The following UBAP2 variants were observed in gnomAD, a reference collection of about 807,000 sequenced individuals.
UBAP2 encodes the protein ubiquitin associated protein 2.
In UBAP2, 75 loss-of-function variants were observed where a neutral mutation model predicts 139.6. The ratio of observed to expected loss-of-function variants is 0.54; its 90% CI spans 0.45 to 0.65. The LOEUF (loss-of-function observed/expected upper bound fraction) is 0.65, where lower values mean the gene tolerates loss of function less well. Ranked by LOEUF, UBAP2 falls within the 30% of genes least tolerant of loss-of-function variation. The pLI is 0.00. For synonymous variants in UBAP2, 526 were observed against 526.2 expected, an observed-to-expected ratio of 1.00 and a Z score of 0.01; for missense variants, 1,368 against 1,369.6, an observed-to-expected ratio of 1.00 and a Z score of 0.02.
chr9:33,922,897 A>G lies in UBAP2; in HGVS notation c.3073-19T>C. On this transcript the variant is annotated intron_variant, in intron 27 of 28. Transcript: ENST00000379238. ...CAAAAGTCTACAGGGCAAAGAAGACAATGGTGAAGGTCAGGTTGGGCTGTA... is the reference window on the plus strand; with the variant it reads ...CAAAAGTCTACAGGGCAAAGAAGACGATGGTGAAGGTCAGGTTGGGCTGTA... 6.2e-7 allele frequency: 1 copy of G among 1,611,576 alleles called. No individual in the cohort carries two copies. The highest frequency in any genetic ancestry group is 8.5e-7 in the Non-Finnish European group (1 of 1,178,342).
chr9:33,989,200 T>C (rs1228483860), intron 4 of UBAP2, 74 bp from the exon 5 acceptor site: 1 of 1,381,474 alleles, frequency 7.2e-7, no homozygotes, highest in Non-Finnish European at 9.4e-7. Flanking sequence ...TGCATGTATC[T>C]TTCTTTTTTT....
chr9:33,981,813 AG>A (rs1413035251), intron 6 of UBAP2, among the ~76,000 whole-genome samples: 1 of 96,104 alleles, frequency 1.0e-5, no homozygotes, highest in African/African-American at 4.1e-5. Flanking sequence ...GAAGGGTGGA[AG>A]GGGGGAAGCG....
intron 25 of UBAP2, 40 bp downstream of exon 25, chr9:33,923,339 G>C: frequency 1.2e-6 from 2 of 1,613,984 alleles, no homozygotes; most frequent in Non-Finnish European, 1.7e-6. Flanking sequence ...AGGCAAGCCT[G>C]TCTAACCCCA....
chr9:34,048,016 G>A (rs980236748), intron 1 of UBAP2, among the ~76,000 whole-genome samples: 2 of 152,140 alleles, frequency 1.3e-5, no homozygotes, highest in Non-Finnish European at 1.5e-5. Flanking sequence ...CCCCTAAAGC[G>A]AGCAAGCATT....
At chr9:33,925,993 C>T (rs1024138638) in intron 22 of UBAP2, among the ~76,000 whole-genome samples, 2 of 152,200 alleles carry the variant, frequency 1.3e-5, no homozygotes, top group African/African-American at 4.8e-5. Context: ...GTGGCTATCC[C>T]AGGAAAGGCC....
chr9:34,024,018 C>A (rs10971859), intron 1 of UBAP2, among the ~76,000 whole-genome samples: 3 of 144,676 alleles, frequency 2.1e-5, no homozygotes, highest in African/African-American at 7.7e-5. Context: ...CACTCCAGTC[C>A]GGGTGACAGA....
intron 7 of UBAP2, 47 bp from the exon 8 acceptor site, chr9:33,971,801 C>G (rs377364893): frequency 9.5e-6 from 11 of 1,153,880 alleles, no homozygotes; most frequent in African/African-American, 1.5e-5. Context: ...AAGCAAACAC[C>G]TAAGCCAAAA....
At chr9:34,013,633 C>T (rs4515633) in intron 2 of UBAP2, among the ~76,000 whole-genome samples, 91,381 of 151,866 alleles carry the variant, frequency 0.6, 27,873 homozygotes, top group East Asian at 0.81. Flanking sequence ...TCCCAGCACT[C>T]TGGGAGGCCA....
chr9:33,962,084 G>C (rs912156500), intron 9 of UBAP2, among the ~76,000 whole-genome samples: 1 of 152,126 alleles, frequency 6.6e-6, no homozygotes, highest in African/African-American at 2.4e-5. Flanking sequence ...AGCCAGAATT[G>C]TAAGAGAAAG....
Position 34,045,423 on chromosome 9 carries a change from G to GTT in UBAP2, c.-42+3401_-42+3402insAA, listed in dbSNP as rs1386225573. 2.0e-5 allele frequency among the ~76,000 whole-genome samples: 3 copies of GTT among 151,040 alleles called. No homozygotes were observed. In the East Asian group the frequency reaches 5.8e-4, roughly 29 times the overall value. ...ACGGAGTCTTGCTCCATCCAGGCTGGATGAAGTCCAATGGCACATGGCTCA... is the reference window on the plus strand; with the variant it reads ...ACGGAGTCTTGCTCCATCCAGGCTGGTTATGAAGTCCAATGGCACATGGCTCA... On this transcript the variant is annotated intron_variant, in intron 1 of 28. Coordinates refer to ENST00000379238, the MANE Select transcript of UBAP2 (RefSeq NM_001370062.2).
chr9:33,960,132 T>A (rs1484800937), intron 10 of UBAP2, among the ~76,000 whole-genome samples: 1 of 150,886 alleles, frequency 6.6e-6, no homozygotes, highest in East Asian at 1.9e-4. Flanking sequence ...GAGACAGGGG[T>A]CTCACTTTGT....
intron 6 of UBAP2, among the ~76,000 whole-genome samples, chr9:33,974,950 C>CG (rs1310294055): frequency 1.1e-4 from 8 of 70,672 alleles, no homozygotes; most frequent in South Asian, 6.6e-4. Flanking sequence ...GGGGGGGGTG[C>CG]GGGGGGGCGG....
At chr9:34,048,367 G>A (rs1189649609) in intron 1 of UBAP2, among the ~76,000 whole-genome samples, 1 of 149,646 alleles carries the variant, frequency 6.7e-6, no homozygotes, top group Non-Finnish European at 1.5e-5. Context: ...GGAAAGGTTA[G>A]AGAGCGCATA....
At chr9:34,023,514 T>C (rs959137042) in intron 1 of UBAP2, among the ~76,000 whole-genome samples, 1 of 152,194 alleles carries the variant, frequency 6.6e-6, no homozygotes, top group Admixed American at 6.5e-5. Context: ...ATGTTCACAG[T>C]ATCAACATTA....
At chr9:34,030,705 T>C (rs528196220) in intron 1 of UBAP2, among the ~76,000 whole-genome samples, 1 of 151,986 alleles carries the variant, frequency 6.6e-6, no homozygotes, top group Non-Finnish European at 1.5e-5. Flanking sequence ...GGCGCATGGA[T>C]CACAAGGTCA....
In UBAP2 at chr9:33,922,797, C is replaced by G; in HGVS notation, c.3154G>C (p.Ala1052Pro). The G allele has an allele frequency of 6.4e-7, 1 of 1,563,474 alleles. No homozygotes were observed. Among genetic ancestry groups the G allele is most frequent in the Non-Finnish European group, 8.7e-7 (1 of 1,154,476 alleles). ...PSVLGSTGPL[A>P]SGAAPGYAPP... ...GCATAGCCAGGGGCCGCTCCCGAGG[C>G]CAGGGGCCCAGTGGAGCCCAAGACC... The change falls in exon 28 of 29, where the codon GCC becomes CCC. Residue 1052 changes from alanine (A) to proline (P), a missense_variant. Coordinates refer to ENST00000379238, the MANE Select transcript of UBAP2 (RefSeq NM_001370062.2).
At chr9:33,930,895 C>CAAAAAAAA (rs57202118) in intron 19 of UBAP2, among the ~76,000 whole-genome samples, 1 of 73,252 alleles carries the variant, frequency 1.4e-5, no homozygotes. Flanking sequence ...GACTGCATCT[C>CAAAAAAAA]AAAAAAAAAA....
chr9:33,933,340 G>T, intron 18 of UBAP2, 150 bp downstream of exon 18: 5 of 947,976 alleles, frequency 5.3e-6, no homozygotes, highest in Non-Finnish European at 7.6e-6. Flanking sequence ...GAACAACCTG[G>T]CCAAAACCTA....
chr9:34,035,277 C>T (rs1011522989), intron 1 of UBAP2, among the ~76,000 whole-genome samples: 14 of 151,386 alleles, frequency 9.2e-5, no homozygotes, highest in Middle Eastern at 6.8e-3. Flanking sequence ...CCGAGGCGGG[C>T]GGATCACCTG....
Sources: gnomAD v4.1 joint callset for allele counts (sites outside exome capture counted in the v4.1 genomes callset) on GRCh38, gnomAD v4.1.1 for gene constraint, MANE v1.5 for transcripts, NCBI Gene and HGNC (gene_info 2026-07-23, HGNC 2026-07-21) for gene names.